GRK4: variants seen among roughly 807,000 people sequenced by gnomAD.
GRK4 encodes the protein G protein-coupled receptor kinase 2-like.
Under a neutral mutation model 77.9 loss-of-function variants are expected in GRK4, and 73 were observed. The observed-to-expected ratio is 0.94, with a 90% CI of 0.78 to 1.14. GRK4 has a LOEUF of 1.14. Among genes scored for constraint, GRK4 ranks in the 50% most tolerant of loss-of-function variants. GRK4 has a pLI of 0.00. For missense variants in GRK4, 729 were observed against 700.2 expected (o/e 1.04, Z -0.46); for synonymous variants, 257 against 254.4 (o/e 1.01, Z -0.10).
chr4:3,013,148 A>G (rs1044882131), intron 7 of GRK4, among the ~76,000 whole-genome samples: 1 of 151,530 alleles, frequency 6.6e-6, no homozygotes, highest in Non-Finnish European at 1.5e-5. Context: ...GGTTTAAGCG[A>G]TTCTCCTGCC....
At chr4:2,974,035 A>G (rs775903723) in intron 1 of GRK4, among the ~76,000 whole-genome samples, 12 of 151,946 alleles carry the variant, frequency 7.9e-5, no homozygotes, top group Non-Finnish European at 1.3e-4. Flanking sequence ...TTTTCCTTGG[A>G]GACAGGGTCT....
At position 3,025,270 on chromosome 4, in the gene GRK4, C is replaced by CAA. The variant is rs1210467737; in HGVS notation, c.971-2624_971-2623dup. ...TAGGTGACAGAGTGAGACTCTGTCT[C>CAA]AAAAAAAAAAAAAAAAAAAGTCACT... On this transcript the variant is annotated intron_variant, in intron 10 of 15. Coordinates refer to ENST00000398052, the MANE Select transcript of GRK4 (RefSeq NM_182982.3). 5.5e-4 allele frequency among the ~76,000 whole-genome samples: 37 copies of CAA among 66,672 alleles called. 1 individual carries two copies. In the South Asian group the frequency reaches 0.014, roughly 25 times the overall value. The allele number at this position is 66,672 out of a possible 152,430, so 43.7% of individuals were successfully genotyped here.
intron 7 of GRK4, among the ~76,000 whole-genome samples, chr4:3,011,738 C>T (rs1301551389): frequency 6.6e-6 from 1 of 152,238 alleles, no homozygotes; most frequent in Non-Finnish European, 1.5e-5. Context: ...CAAGTGCTAG[C>T]ACTTCCTCCA....
At chr4:3,018,775 GGCT>G (rs1399325803) in intron 8 of GRK4, among the ~76,000 whole-genome samples, 3 of 152,120 alleles carry the variant, frequency 2.0e-5, no homozygotes, top group Non-Finnish European at 2.9e-5. Flanking sequence ...CTACTCGGGA[GGCT>G]GAGGCAGGAG....
chr4:2,984,872 C>G (rs1357039978), intron 2 of GRK4, among the ~76,000 whole-genome samples: 3 of 151,936 alleles, frequency 2.0e-5, no homozygotes, highest in African/African-American at 4.8e-5. Flanking sequence ...GTCTTAAACT[C>G]CTGAGCTCAA....
At chr4:3,039,484 G>A (rs1186524623) in intron 15 of GRK4, among the ~76,000 whole-genome samples, 3 of 152,004 alleles carry the variant, frequency 2.0e-5, no homozygotes, top group Non-Finnish European at 4.4e-5. Context: ...GATCACCTGA[G>A]GTCAGGAGTT....
At chr4:2,979,211 C>T (rs1028363162) in intron 1 of GRK4, among the ~76,000 whole-genome samples, 2 of 146,350 alleles carry the variant, frequency 1.4e-5, no homozygotes, top group African/African-American at 2.5e-5. Context: ...GGCAACAGAA[C>T]GAGACTCCGT....
chr4:2,986,403 C>T (rs1460343466), intron 2 of GRK4, among the ~76,000 whole-genome samples: 1 of 129,488 alleles, frequency 7.7e-6, no homozygotes, highest in African/African-American at 3.1e-5. Flanking sequence ...TGTCGCCAGG[C>T]TGGAGTGCAA....
At chr4:3,033,910 G>C (rs573913595) in intron 12 of GRK4, among the ~76,000 whole-genome samples, 14 of 152,306 alleles carry the variant, frequency 9.2e-5, no homozygotes, top group African/African-American at 3.1e-4. Context: ...AATTAACAAA[G>C]CATGCAAAGA....
At chr4:3,004,427 C>T (rs1238720440) in intron 5 of GRK4, 93 bp downstream of exon 5, 1 of 782,056 alleles carries the variant, frequency 1.3e-6, no homozygotes, top group East Asian at 2.6e-5. Context: ...AGACAAGTTC[C>T]TAGAGTGTAG....
At chr4:3,027,529 T>C (rs1247966874) in intron 10 of GRK4, among the ~76,000 whole-genome samples, 2 of 152,242 alleles carry the variant, frequency 1.3e-5, no homozygotes, top group Non-Finnish European at 2.9e-5. Flanking sequence ...TGTATAGTAC[T>C]GGTACTCTGA....
Position 3,029,225 on chromosome 4 carries a change from A to G in GRK4, c.1085A>G (p.Lys362Arg), listed in dbSNP as rs1738460403. ...GCACCTGAAGTTGTCAATAATGAAA[A>G]GTATACGTTTAGTCCCGATTGGTGG... ...YMAPEVVNNE[K>R]YTFSPDWWGL... Residue 362 changes from lysine to arginine, a missense_variant, in exon 12 of 16, where the codon AAG (lysine) becomes AGG (arginine). Lys to Arg is a conservative substitution (Grantham distance 26). Transcript: ENST00000398052. 1 of 1,612,784 alleles carries G rather than the reference A, an allele frequency of 6.2e-7. No individual in the cohort carries two copies. The highest frequency in any genetic ancestry group is 8.5e-7 in the Non-Finnish European group (1 of 1,179,114).
chr4:2,988,881 T>C (rs1456200683), intron 3 of GRK4, 42 bp downstream of exon 3: 3 of 1,279,670 alleles, frequency 2.3e-6, no homozygotes, highest in Admixed American at 1.7e-5. Flanking sequence ...CCCAATCTTA[T>C]GCTTTTGAAA....
chr4:2,971,315 AATCTGTAGG>A (rs1180223258), intron 1 of GRK4: 1 of 152,218 alleles, frequency 6.6e-6, no homozygotes, highest in African/African-American at 2.4e-5. Flanking sequence ...CAAACAAAAT[AATCTGTAGG>A]ATTCTTCATG....
intron 10 of GRK4, among the ~76,000 whole-genome samples, chr4:3,022,704 T>A (rs928212566): frequency 2.6e-5 from 4 of 152,200 alleles, no homozygotes; most frequent in Non-Finnish European, 5.9e-5. Flanking sequence ...CCTTTTTTTT[T>A]AAGTCAGGGT....
chr4:3,015,398 G>A (rs1734137756), intron 8 of GRK4, among the ~76,000 whole-genome samples: 1 of 152,206 alleles, frequency 6.6e-6, no homozygotes, highest in Non-Finnish European at 1.5e-5. Flanking sequence ...TAATAGCACA[G>A]TGTGGGGCCG....
chr4:2,979,069 A>C (rs1722031102), intron 1 of GRK4, among the ~76,000 whole-genome samples: 1 of 151,906 alleles, frequency 6.6e-6, no homozygotes. Context: ...CTGTAAATAC[A>C]AAAAAATTAG....
At chr4:3,005,214 G>C (rs1730945682) in intron 5 of GRK4, among the ~76,000 whole-genome samples, 1 of 152,002 alleles carries the variant, frequency 6.6e-6, no homozygotes, top group African/African-American at 2.4e-5. Context: ...GCAGTGCCTT[G>C]TGTATGCATG....
chr4:3,009,421 CAA>C (rs33988983), intron 6 of GRK4, among the ~76,000 whole-genome samples: 34,903 of 85,440 alleles, frequency 0.41, 4,019 homozygotes, highest in Middle Eastern at 0.47. Context: ...GACTCCATCT[CAA>C]AAAAAAAAAA....
Sources: allele counts gnomAD v4.1 joint callset (sites outside exome capture counted in the v4.1 genomes callset), GRCh38; gene constraint gnomAD v4.1.1; transcripts MANE v1.5; gene names NCBI Gene and HGNC (gene_info 2026-07-23, HGNC 2026-07-21).